PGM1: variants seen among roughly 807,000 people sequenced by gnomAD.
The protein encoded by PGM1 is phosphoglucomutase 1.
In PGM1, 52 loss-of-function variants were observed where a neutral mutation model predicts 55.6. The observed-to-expected ratio is 0.94, with a 90% CI of 0.75 to 1.18. PGM1 has a LOEUF of 1.18. PGM1 is among the 50% of genes most tolerant of loss of function. The probability of loss-of-function intolerance (pLI) is 0.00; values close to 1 mark genes in which losing one functional copy is unlikely to be tolerated. For missense variants in PGM1, 724 were observed against 729.3 expected (o/e 0.99, Z 0.08); for synonymous variants, 287 against 271.7 (o/e 1.06, Z -0.55).
intron 7 of PGM1, among the ~76,000 whole-genome samples, chr1:63,645,290 A>G (rs1649619399): frequency 6.6e-6 from 1 of 152,228 alleles, no homozygotes; most frequent in South Asian, 2.1e-4. Flanking sequence ...TCATTTCCAC[A>G]TAAAAGAAAA....
At chr1:63,650,174 C>T (rs183665574) in intron 8 of PGM1, among the ~76,000 whole-genome samples, 12 of 152,358 alleles carry the variant, frequency 7.9e-5, no homozygotes, top group African/African-American at 2.9e-4. Flanking sequence ...ATACCTTCCA[C>T]TTACTGAACA....
At position 63,636,345 on chromosome 1, in the gene PGM1, C is replaced by T. The variant is rs778199808; in HGVS notation, c.985C>T (p.Arg329Cys). ...TCCGTATTTCCAGCAGACTGGGGTC[C>T]GCGGCTTTGCACGGAGCATGCCCAC... is the stretch of plus-strand genomic sequence containing the variant. ...SIPYFQQTGV[R>C]GFARSMPTSG... Residue 329 changes from arginine to cysteine, a missense_variant, in exon 6 of 11, where the codon CGC becomes TGC. Transcript: ENST00000371084. 2.7e-5 allele frequency: 43 copies of T among 1,613,984 alleles called. No homozygotes were observed. Among genetic ancestry groups the T allele is most frequent in the South Asian group, 8.8e-5 (8 of 91,094 alleles).
At chr1:63,657,987 T>C (rs532791292) in intron 10 of PGM1, among the ~76,000 whole-genome samples, 180 of 152,382 alleles carry the variant, frequency 1.2e-3, no homozygotes, top group Non-Finnish European at 6.9e-4. Context: ...TTGTTTCCTC[T>C]GAACCATAGT....
intron 3 of PGM1, 138 bp downstream of exon 3, chr1:63,630,226 T>C: frequency 3.2e-6 from 3 of 924,496 alleles, no homozygotes; most frequent in Non-Finnish European, 5.3e-6. Flanking sequence ...TGTTAGTTAA[T>C]TAACAAGTCT....
At chr1:63,651,541 TGCCAGC>T in intron 8 of PGM1, 122 bp from the exon 9 acceptor site, 57 of 809,420 alleles carry the variant, frequency 7.0e-5, no homozygotes, top group Admixed American at 4.3e-4. Context: ...GTATTTTTTT[TGCCAGC>T]TTCTTCTGAA....
At chr1:63,607,919 A>G (rs1403025727) in intron 1 of PGM1, among the ~76,000 whole-genome samples, 1 of 152,190 alleles carries the variant, frequency 6.6e-6, no homozygotes, top group Non-Finnish European at 1.5e-5. Flanking sequence ...CACTTTATTC[A>G]TTAGACATGG....
At position 63,647,259 on chromosome 1, in the gene PGM1, CATATATATATATATATATATATATAT is replaced by C. The variant is rs55760196; in HGVS notation, c.1145-1234_1145-1209del. On this transcript the variant is annotated intron_variant, in intron 7 of 10. Transcript: ENST00000371084. ...CTCCGTCTCAAAAAATAAAATTTTA[CATATATATATATATATATATATATAT>C]ATATATATATATATATATATATAGT... is the stretch of plus-strand genomic sequence containing the variant. Among the ~76,000 whole-genome samples, 121 of 55,422 alleles carry C rather than the reference CATATATATATATATATATATATATAT, an allele frequency of 2.2e-3. 5 individuals are homozygous for C. The highest frequency in any genetic ancestry group is 0.017 in the South Asian group (33 of 1,980). 36.4% of individuals were successfully genotyped at this position (55,422 alleles called of 152,430 possible). A position where few individuals can be genotyped will look rare whatever the true frequency, so the allele number is the denominator to read the frequency against.
intron 6 of PGM1, among the ~76,000 whole-genome samples, chr1:63,637,626 T>A (rs1237397146): frequency 6.6e-6 from 1 of 152,250 alleles, no homozygotes; most frequent in East Asian, 1.9e-4. Context: ...ACCACCAAAT[T>A]AGAGCTAGCA....
intron 1 of PGM1, among the ~76,000 whole-genome samples, chr1:63,596,195 G>T (rs911861659): frequency 2.0e-5 from 3 of 151,276 alleles, no homozygotes; most frequent in Non-Finnish European, 2.9e-5. Context: ...TCCTTCATGG[G>T]CTGCACATTG....
intron 7 of PGM1, among the ~76,000 whole-genome samples, chr1:63,645,077 A>G (rs949594504): frequency 6.6e-6 from 1 of 152,228 alleles, no homozygotes; most frequent in Non-Finnish European, 1.5e-5. Flanking sequence ...CCTGAGTATT[A>G]ATTGAATTAC....
At chr1:63,634,453 G>A (rs77682490) in intron 4 of PGM1, among the ~76,000 whole-genome samples, 1,570 of 152,226 alleles carry the variant, frequency 0.01, 22 homozygotes, top group African/African-American at 0.036. Context: ...TTTGAACCCA[G>A]ACACTCTGAT....
Position 63,659,766 on chromosome 1 carries a change from C to A in PGM1, c.*91C>A. 1.0e-6 allele frequency: 1 copy of A among 987,992 alleles called. No homozygotes were observed. Among genetic ancestry groups the A allele is most frequent in the Non-Finnish European group, 1.6e-6 (1 of 618,498 alleles). The allele number at this position is 987,992 out of a possible 1,614,324, so 61.2% of individuals were successfully genotyped here. On this transcript the variant is annotated 3_prime_UTR_variant, in exon 11 of 11. Coordinates refer to ENST00000371084, the MANE Select transcript of PGM1 (RefSeq NM_002633.3). Reference sequence around the variant, plus strand: ...CATGACAGAAACAAAATGTATTCACCAAGCATTTTAGGATTTGACTTTTTC... The same window carrying A: ...CATGACAGAAACAAAATGTATTCACAAAGCATTTTAGGATTTGACTTTTTC...
rs1650069012 is a variant in PGM1, at chr1:63,659,733, T to C, written c.*58T>C. On this transcript the variant is annotated 3_prime_UTR_variant, in exon 11 of 11. Coordinates refer to ENST00000371084, the MANE Select transcript of PGM1 (RefSeq NM_002633.3). ...CCCCGGACCCATCCAAGTCATCTGA[T>C]TGAAGAGCATGACAGAAACAAAATG... The C allele has an allele frequency of 7.8e-7, 1 of 1,277,926 alleles. No homozygotes were observed. Among genetic ancestry groups the C allele is most frequent in the Non-Finnish European group, 1.1e-6 (1 of 873,554 alleles). The allele number at this position is 1,277,926 out of a possible 1,614,324, so 79.2% of individuals were successfully genotyped here.
intron 6 of PGM1, among the ~76,000 whole-genome samples, chr1:63,637,765 C>A (rs1341450048): frequency 6.6e-6 from 1 of 152,092 alleles, no homozygotes; most frequent in Non-Finnish European, 1.5e-5. Context: ...CAGTGTAATT[C>A]CAATTTTTGG....
In PGM1 at chr1:63,604,308, A is replaced by G. The variant is rs542394889; in HGVS notation, c.246+10574A>G. Among the ~76,000 whole-genome samples, 134 of 152,332 alleles carry G rather than the reference A, an allele frequency of 8.8e-4. 1 individual carries two copies. Among genetic ancestry groups the G allele is most frequent in the Non-Finnish European group, 1.1e-3 (75 of 68,022 alleles). Reference sequence around the variant, plus strand: ...GTCTTGTGGAATATTGTGGGTCAGCAGGCCAAGACTAGCATGATGGATCCA... The same window carrying G: ...GTCTTGTGGAATATTGTGGGTCAGCGGGCCAAGACTAGCATGATGGATCCA... On this transcript the variant is annotated intron_variant, in intron 1 of 10. Transcript: ENST00000371084.
At chr1:63,637,730 G>C (rs1467785297) in intron 6 of PGM1, among the ~76,000 whole-genome samples, 1 of 152,150 alleles carries the variant, frequency 6.6e-6, no homozygotes, top group African/African-American at 2.4e-5. Flanking sequence ...TCAGGTCCTG[G>C]AATACCTTCT....
intron 3 of PGM1, among the ~76,000 whole-genome samples, chr1:63,630,452 T>C (rs1649165366): frequency 6.6e-6 from 1 of 152,188 alleles, no homozygotes; most frequent in African/African-American, 2.4e-5. Context: ...TCACAGTAGA[T>C]CTGTCAGGGC....
rs1649134335 is a variant in PGM1 at position 63,629,537 on chromosome 1, C to T, written c.359C>T (p.Pro120Leu). The T allele has an allele frequency of 7.4e-6, 12 of 1,613,894 alleles. No individual in the cohort carries two copies. Among genetic ancestry groups the T allele is most frequent in the South Asian group, 2.2e-5 (2 of 91,072 alleles). The change falls in exon 2 of 11, where the codon CCA (proline) becomes CTA (leucine). Residue 120 changes from proline to leucine, a missense_variant. Pro to Leu is a moderately conservative substitution (Grantham distance 98, BLOSUM62 -3). Coordinates refer to ENST00000371084, the MANE Select transcript of PGM1 (RefSeq NM_002633.3). ...GGIILTASHN[P>L]GGPNGDFGIK... ...ATCATTCTGACAGCCAGTCACAACC[C>T]AGGGGGCCCCAATGGAGATTTTGGA...
intron 7 of PGM1, among the ~76,000 whole-genome samples, chr1:63,641,239 G>A (rs1447441626): frequency 6.6e-6 from 1 of 152,160 alleles, no homozygotes; most frequent in African/African-American, 2.4e-5. Context: ...CATGTCCAAA[G>A]AGAGAATGCT....
Sources: gnomAD v4.1 joint callset for allele counts (sites outside exome capture counted in the v4.1 genomes callset) on GRCh38, gnomAD v4.1.1 for gene constraint, MANE v1.5 for transcripts, NCBI Gene and HGNC (gene_info 2026-07-23, HGNC 2026-07-21) for gene names.